MAN2B2: variants seen among roughly 807,000 people sequenced by gnomAD.
The protein encoded by MAN2B2 is epididymis-specific alpha-mannosidase.
Under a neutral mutation model 117.1 loss-of-function variants are expected in MAN2B2, and 106 were observed. The observed-to-expected ratio is 0.90, with a 90% confidence interval of 0.77 to 1.06. The LOEUF (loss-of-function observed/expected upper bound fraction) is 1.06, where lower values mean the gene tolerates loss of function less well. Among genes scored for constraint, MAN2B2 ranks in the 50% least tolerant of loss-of-function variants. MAN2B2 has a pLI of 0.00. For synonymous variants in MAN2B2, 544 were observed against 595.1 expected (o/e 0.91, Z 1.25); for missense variants, 1,326 against 1,381.4 (o/e 0.96, Z 0.64).
intron 7 of MAN2B2, among the ~76,000 whole-genome samples, chr4:6,596,088 C>T (rs921869647): frequency 6.7e-6 from 1 of 150,052 alleles, no homozygotes; most frequent in Admixed American, 6.7e-5. Context: ...GGGATATACC[C>T]GAGTCAAGTT....
chr4:6,590,870 C>T (rs1726830868), intron 5 of MAN2B2, among the ~76,000 whole-genome samples: 2 of 152,132 alleles, frequency 1.3e-5, no homozygotes, highest in Admixed American at 6.5e-5. Context: ...CGGAGGAGGC[C>T]AGGCGCAGTG....
intron 8 of MAN2B2, among the ~76,000 whole-genome samples, chr4:6,597,681 G>C (rs1283624854): frequency 6.6e-6 from 1 of 152,188 alleles, no homozygotes; most frequent in Non-Finnish European, 1.5e-5. Flanking sequence ...TGAGAACAAC[G>C]AGCTTGCCCA....
At position 6,593,215 on chromosome 4, in the gene MAN2B2, TC is replaced by T. The variant is rs746867151; in HGVS notation, c.727del (p.Gln243LysfsTer8). Reference protein sequence around the residue: ...WNGVAVFPKPPQDGVYPNMSE... With the variant: ...WNGVAVFPKPXQDGVYPNMSE... ...ATGGCGTGGCTGTCTTCCCCAAGCC[TC>T]CCCAAGATGGGGTGTACCCCAACAT... On this transcript the variant is annotated frameshift_variant, in exon 6 of 19. Transcript: ENST00000285599. LOFTEE classifies it high-confidence loss of function. 1.2e-6 allele frequency: 2 copies of T among 1,613,470 alleles called. No individual in the cohort carries two copies. Among genetic ancestry groups the T allele is most frequent in the African/African-American group, 1.3e-5 (1 of 74,892 alleles).
At position 6,597,114 on chromosome 4, in the gene MAN2B2, A is replaced by C. The variant is rs769574221; in HGVS notation, c.1059A>C (p.Glu353Asp). The change falls in exon 8 of 19, where the codon GAA becomes GAC. Residue 353 changes from glutamate to aspartate, a missense_variant and splice_region_variant. Glu to Asp is a conservative substitution (Grantham distance 45, BLOSUM62 2). Coordinates refer to ENST00000285599, the MANE Select transcript of MAN2B2 (RefSeq NM_015274.3). ...TCACCATCTTCCCTTGTCTCCCAGAACCATTCCAGGCCTGGACGGGCTTCT... is the reference window on the plus strand; with the variant it reads ...TCACCATCTTCCCTTGTCTCCCAGACCCATTCCAGGCCTGGACGGGCTTCT... ...DHHDFLPYST[E>D]PFQAWTGFYT... 55 of 1,612,670 alleles carry C rather than the reference A, an allele frequency of 3.4e-5. No individual in the cohort carries two copies. The highest frequency in any genetic ancestry group is 4.4e-5 in the Non-Finnish European group (52 of 1,179,566).
chr4:6,598,018 G>A (rs968948259), intron 8 of MAN2B2, among the ~76,000 whole-genome samples, 180 bp from the exon 9 acceptor site: 9 of 152,244 alleles, frequency 5.9e-5, no homozygotes, highest in African/African-American at 1.9e-4. Context: ...GAAAAGTTGG[G>A]CGAGCTCCTC....
intron 3 of MAN2B2, among the ~76,000 whole-genome samples, chr4:6,583,634 T>C (rs1234719345): frequency 1.3e-5 from 2 of 152,176 alleles, no homozygotes; most frequent in Admixed American, 6.5e-5. Context: ...AAGAAAGAAT[T>C]CGACTGAGGG....
chr4:6,598,281 G>C lies in MAN2B2; in HGVS notation c.1332G>C (p.Leu444=). 6.2e-7 allele frequency: 1 copy of C among 1,613,664 alleles called. No individual in the cohort carries two copies. Among genetic ancestry groups the C allele is most frequent in the East Asian group, 2.2e-5 (1 of 44,874 alleles). The change falls in exon 9 of 19, where the codon CTG becomes CTC. Residue 444 remains leucine (L), a synonymous_variant. Transcript: ENST00000285599. ...CAACGCACCTGGCCTCGGGGATGCT[G>C]GGCATGCGCAAGCTGATGGCCTCCA... ...MYATHLASGM[L]GMRKLMASIV...
At chr4:6,608,616 C>G (rs1045329155) in intron 11 of MAN2B2, among the ~76,000 whole-genome samples, 1 of 152,218 alleles carries the variant, frequency 6.6e-6, no homozygotes, top group African/African-American at 2.4e-5. Context: ...CATGATGTCA[C>G]AACTTCCAGC....
At chr4:6,585,355 G>A (rs1726590593) in intron 3 of MAN2B2, among the ~76,000 whole-genome samples, 1 of 152,206 alleles carries the variant, frequency 6.6e-6, no homozygotes, top group East Asian at 1.9e-4. Flanking sequence ...CTGAGGCACT[G>A]TTCACCAATC....
At chr4:6,579,367 T>TCAC (rs1232409024) in intron 3 of MAN2B2, among the ~76,000 whole-genome samples, 1 of 36,518 alleles carries the variant, frequency 2.7e-5, no homozygotes, top group Non-Finnish European at 5.3e-5. Context: ...ACCATCACCA[T>TCAC]CACCACCACC....
rs765921739 is a variant in MAN2B2 at position 6,610,975 on chromosome 4, G to A, written c.2355G>A (p.Gly785=). 7 of 1,614,050 alleles carry A rather than the reference G, an allele frequency of 4.3e-6. No homozygotes were observed. In the African/African-American group the frequency reaches 8.0e-5, roughly 18 times the overall value. ...SERAHGISSQ[G]NGQVEVMLHR... ...GGGCACATGGCATCTCCAGCCAAGG[G>A]AATGGGCAGGTGGAGGTAGGAGGCA... Residue 785 remains glycine, a synonymous_variant, in exon 14 of 19, where the codon GGG becomes GGA. Transcript: ENST00000285599.
At chr4:6,593,626 C>T (rs910884076) in intron 6 of MAN2B2, among the ~76,000 whole-genome samples, 6 of 152,212 alleles carry the variant, frequency 3.9e-5, no homozygotes, top group African/African-American at 9.6e-5. Flanking sequence ...TCGGGCACTG[C>T]GTGCCTTAGA....
In MAN2B2 at chr4:6,609,106, G is replaced by A. The variant is rs952891807; in HGVS notation, c.1815-1G>A. ...ACATCTTCTCTCTCCTGCCTCTGCA[G>A]ACAGAGTAACCGAACGGTGCGCGTG... On this transcript the variant is annotated splice_acceptor_variant, in intron 11 of 18. Transcript: ENST00000285599. LOFTEE classifies it high-confidence loss of function. 1.2e-6 allele frequency: 2 copies of A among 1,612,594 alleles called. No individual in the cohort carries two copies. The highest frequency in any genetic ancestry group is 8.5e-7 in the Non-Finnish European group (1 of 1,179,064).
chr4:6,620,038 C>A lies in MAN2B2; in HGVS notation c.2926C>A (p.His976Asn), dbSNP rs1438110643. Reference protein sequence around the residue: ...RWSWRTGPGRHRGDTTSPSRP... With the variant: ...RWSWRTGPGRNRGDTTSPSRP... The stretch of plus-strand genomic sequence containing the variant: ...GAGCTGGAGGACGGGGCCTGGCCGC[C>A]ACAGAGGTTTGGGGACCCCCGCTTC... The change falls in exon 18 of 19, where the codon CAC becomes AAC. Residue 976 changes from histidine (H) to asparagine (N), a missense_variant. Coordinates refer to ENST00000285599, the MANE Select transcript of MAN2B2 (RefSeq NM_015274.3). The A allele has an allele frequency of 6.2e-7, 1 of 1,611,140 alleles. No individual in the cohort carries two copies. The highest frequency in any genetic ancestry group is 8.5e-7 in the Non-Finnish European group (1 of 1,178,852).
At position 6,622,656 on chromosome 4, in the gene MAN2B2, G is replaced by C. The variant is rs1712226177; in HGVS notation, c.*1371G>C. ...TCACCATGTTGGCCAGGCTGATCTG[G>C]AACTCCTGACCTCAGGTGATCTGCC... On this transcript the variant is annotated 3_prime_UTR_variant, in exon 19 of 19. Coordinates refer to ENST00000285599, the MANE Select transcript of MAN2B2 (RefSeq NM_015274.3). 2 of 152,188 alleles carry C rather than the reference G, an allele frequency of 1.3e-5. No homozygotes were observed. Among genetic ancestry groups the C allele is most frequent in the African/African-American group, 4.8e-5 (2 of 41,414 alleles). The allele number at this position is 152,188 out of a possible 1,614,324, so 9.4% of individuals were successfully genotyped here. A position where few individuals can be genotyped will look rare whatever the true frequency, so the allele number is the denominator to read the frequency against.
At chr4:6,609,551 T>C in intron 12 of MAN2B2, 1 of 626,060 alleles carries the variant, frequency 1.6e-6, no homozygotes, top group East Asian at 2.8e-5. Context: ...ACAGAGCACC[T>C]GTTCTTCCAT....
chr4:6,621,185 T>C lies in MAN2B2; in HGVS notation c.2933-3T>C, dbSNP rs1712154151. The C allele has an allele frequency of 1.2e-6, 2 of 1,608,880 alleles. No individual in the cohort carries two copies. Among genetic ancestry groups the C allele is most frequent in the African/African-American group, 1.3e-5 (1 of 74,818 alleles). On this transcript the variant is annotated splice_polypyrimidine_tract_variant and splice_region_variant and intron_variant, in intron 18 of 18. Transcript: ENST00000285599. Reference sequence around the variant, plus strand: ...ACTGGACAGATCACCTCTGTTCCCCTAGGTGACACCACCTCTCCCTCGAGG... The same window carrying C: ...ACTGGACAGATCACCTCTGTTCCCCCAGGTGACACCACCTCTCCCTCGAGG...
At chr4:6,586,657 G>A (rs139424044) in intron 3 of MAN2B2, among the ~76,000 whole-genome samples, 415 of 152,318 alleles carry the variant, frequency 2.7e-3, no homozygotes, top group Middle Eastern at 0.01. Context: ...GAGGGGCATA[G>A]GGAGTTAGTG....
intron 5 of MAN2B2, among the ~76,000 whole-genome samples, chr4:6,591,309 G>T (rs1377577902): frequency 6.6e-6 from 1 of 152,216 alleles, no homozygotes; most frequent in African/African-American, 2.4e-5. Flanking sequence ...ATGGTAGATG[G>T]TTGAATACAC....
Sources: allele counts gnomAD v4.1 joint callset (sites outside exome capture counted in the v4.1 genomes callset), GRCh38; gene constraint gnomAD v4.1.1; transcripts MANE v1.5; gene names NCBI Gene and HGNC (gene_info 2026-07-23, HGNC 2026-07-21).